Variants in SIDT2 observed in about 807,000 individuals in gnomAD.
SIDT2 encodes SID1 transmembrane family member 2.
In SIDT2, 68 loss-of-function variants were observed where a neutral mutation model predicts 114.4. The ratio of observed to expected loss-of-function variants is 0.59; its 90% CI spans 0.49 to 0.73. The LOEUF (loss-of-function observed/expected upper bound fraction) is 0.73. Ranked by LOEUF, SIDT2 falls within the 30% of genes least tolerant of loss-of-function variation. The pLI is 0.00. For missense variants in SIDT2, 918 were observed against 1,097.1 expected, an observed-to-expected ratio of 0.84 and a Z score of 2.31; for synonymous variants, 470 against 438.4, an observed-to-expected ratio of 1.07 and a Z score of -0.90.
chr11:117,183,397 G>C (rs1197069453), intron 6 of SIDT2, among the ~76,000 whole-genome samples: 1 of 151,468 alleles, frequency 6.6e-6, no homozygotes, highest in Non-Finnish European at 1.5e-5. Flanking sequence ...CCACACTTCG[G>C]GAGGCTGAGG....
At position 117,179,199 on chromosome 11, in the gene SIDT2, G is replaced by A; in HGVS notation, c.-65G>A. On this transcript the variant is annotated 5_prime_UTR_variant, in exon 1 of 26. Coordinates refer to ENST00000324225, the MANE Select transcript of SIDT2 (RefSeq NM_001040455.2). ...GGCCGCAGCCGCAACCCGTCCCGGA[G>A]GTGTCCTGTCTCCTGTCGCCGCCGC... is the stretch of plus-strand genomic sequence containing the variant. 29 of 1,514,424 alleles carry A rather than the reference G, an allele frequency of 1.9e-5. No individual in the cohort carries two copies. Among genetic ancestry groups the A allele is most frequent in the Non-Finnish European group, 2.6e-5 (29 of 1,116,086 alleles). The allele number at this position is 1,514,424 out of a possible 1,614,324, so 93.8% of individuals were successfully genotyped here. A position where few individuals can be genotyped will look rare whatever the true frequency, so the allele number is the denominator to read the frequency against.
rs967288312 is a variant in SIDT2 at position 117,186,155 on chromosome 11, C to T, written c.894C>T (p.Leu298=). ...VTSEAYVSGM[L]FCLGIFLSFY... ...CTGAGGCATACGTCAGTGGGATGCTCTTTTGCCTGGGTATATTTCTCTCCT... is the reference window on the plus strand; with the variant it reads ...CTGAGGCATACGTCAGTGGGATGCTTTTTTGCCTGGGTATATTTCTCTCCT... Residue 298 remains leucine (L), a synonymous_variant, in exon 9 of 26, where the codon CTC becomes CTT. Transcript: ENST00000324225. The T allele has an allele frequency of 3.1e-6, 5 of 1,613,982 alleles. No homozygotes were observed. Among genetic ancestry groups the T allele is most frequent in the Admixed American group, 1.7e-5 (1 of 59,986 alleles).
chr11:117,189,908 G>T, intron 15 of SIDT2, 44 bp from the exon 16 acceptor site: 1 of 1,596,902 alleles, frequency 6.3e-7, no homozygotes, highest in South Asian at 1.1e-5. Flanking sequence ...GGGCTGAGTT[G>T]GGCGTGACGA....
intron 1 of SIDT2, 50 bp downstream of exon 1, chr11:117,179,496 G>A (rs2030178107): frequency 6.4e-7 from 1 of 1,568,812 alleles, no homozygotes; most frequent in Non-Finnish European, 8.7e-7. Flanking sequence ...AGCCGACGAG[G>A]GCTAGGCGAT....
chr11:117,189,609 G>A (rs763532638), intron 15 of SIDT2: 7 of 618,918 alleles, frequency 1.1e-5, no homozygotes, highest in South Asian at 3.9e-5. Flanking sequence ...GGAGCAGCCC[G>A]CACTAAAGAT....
intron 2 of SIDT2, 54 bp from the exon 3 acceptor site, chr11:117,181,753 G>C: frequency 6.2e-7 from 1 of 1,611,138 alleles, no homozygotes; most frequent in Non-Finnish European, 8.5e-7. Context: ...TCCTCTGGAG[G>C]GGCAGGCCGG....
In SIDT2 at chr11:117,186,564, T is replaced by G; in HGVS notation, c.963-20T>G. ...CTTGTCCTGTCCCATCTGGGTGGCC[T>G]GTGGGTTCTGTCCATGCAGGCAGAA... On this transcript the variant is annotated intron_variant, in intron 9 of 25. Coordinates refer to ENST00000324225, the MANE Select transcript of SIDT2 (RefSeq NM_001040455.2). The G allele has an allele frequency of 6.5e-7, 1 of 1,543,098 alleles. No homozygotes were observed. Among genetic ancestry groups the G allele is most frequent in the Non-Finnish European group, 8.7e-7 (1 of 1,150,168 alleles).
At chr11:117,181,282 A>C in intron 1 of SIDT2, 134 bp from the exon 2 acceptor site, 2 of 1,252,316 alleles carry the variant, frequency 1.6e-6, no homozygotes, top group Non-Finnish European at 2.2e-6. Flanking sequence ...GAAGAGGCAG[A>C]GATGACTCCC....
In SIDT2 at chr11:117,190,269, C is replaced by G. The variant is rs200870091; in HGVS notation, c.1597C>G (p.Arg533Gly). ...REINHNRALL[R>G]NDLCALECGI... ...GATCAACCACAACCGGGCCCTGCTG[C>G]GCAATGACCTCTGTGCCCTGGTAAG... The change falls in exon 17 of 26, where the codon CGC becomes GGC. Residue 533 changes from arginine to glycine, a missense_variant. Around this residue, in one of 4 missense-constraint regions of SIDT2, gnomAD observed 72 missense variants for 59.9 expected, o/e 1.20. Coordinates refer to ENST00000324225, the MANE Select transcript of SIDT2 (RefSeq NM_001040455.2). The surrounding 1 kb of genome is among the most constrained non-coding windows in gnomAD (Gnocchi z 4.1). 7.6e-5 allele frequency: 118 copies of G among 1,552,932 alleles called. No homozygotes were observed. Among genetic ancestry groups the G allele is most frequent in the Non-Finnish European group, 1.0e-4 (115 of 1,150,822 alleles).
chr11:117,184,538 A>C (rs2030420855), intron 8 of SIDT2, among the ~76,000 whole-genome samples: 3 of 152,184 alleles, frequency 2.0e-5, no homozygotes, highest in South Asian at 4.1e-4. Flanking sequence ...ATTGAGTCTC[A>C]GTTTCCCTGT....
In SIDT2 at chr11:117,192,153, C is replaced by CA; in HGVS notation, c.1873-100dup. ...CTGAGATGCCTTCCTGGGCCCCTCT[C>CA]AGAGTCCCAGCCTGGCTGAGCAGCC... On this transcript the variant is annotated intron_variant, in intron 19 of 25. Transcript: ENST00000324225. The surrounding 1 kb of genome is among the most constrained non-coding windows in gnomAD (Gnocchi z 5.9). 6.6e-7 allele frequency: 1 copy of CA among 1,518,302 alleles called. No individual in the cohort carries two copies. Among genetic ancestry groups the CA allele is most frequent in the Non-Finnish European group, 9.1e-7 (1 of 1,103,170 alleles). The allele number at this position is 1,518,302 out of a possible 1,614,324, so 94.1% of individuals were successfully genotyped here. A position where few individuals can be genotyped will look rare whatever the true frequency, so the allele number is the denominator to read the frequency against.
At position 117,183,830 on chromosome 11, in the gene SIDT2, G is replaced by T. The variant is rs752136469; in HGVS notation, c.754G>T (p.Glu252Ter). ...TTATGTGGTGGTGGTGGTGAAGACC[G>T]AAGACCAAGCCTGCGGGGGCTCCCT... ...SFYVVVVVKTEDQACGGSLPF... is the reference protein window; with the variant it reads ...SFYVVVVVKT Residue 252 changes from glutamate (E) to a stop codon, truncating the protein, a stop_gained, in exon 7 of 26, where the codon GAA (glutamate) becomes TAA (stop). Transcript: ENST00000324225. LOFTEE classifies it high-confidence loss of function. 1 of 1,614,136 alleles carries T rather than the reference G, an allele frequency of 6.2e-7. No homozygotes were observed. The highest frequency in any genetic ancestry group is 8.5e-7 in the Non-Finnish European group (1 of 1,179,996).
At chr11:117,181,608 G>GC (rs1045341447) in intron 2 of SIDT2, 71 bp downstream of exon 2, 105 of 1,604,432 alleles carry the variant, frequency 6.5e-5, no homozygotes, top group Middle Eastern at 1.8e-4. Context: ...TCAACCAGGA[G>GC]CCCCCCCATT....
Position 117,191,952 on chromosome 11 carries a change from GC to G in SIDT2, c.1812del (p.Ser605AlafsTer132). The G allele has an allele frequency of 1.2e-6, 2 of 1,614,132 alleles. No individual in the cohort carries two copies. The highest frequency in any genetic ancestry group is 1.7e-6 in the Non-Finnish European group (2 of 1,180,046). On this transcript the variant is annotated frameshift_variant, in exon 19 of 26. Transcript: ENST00000324225. LOFTEE classifies it high-confidence loss of function. ...CCAGAAGCGGCACCCGGACATCAAC[GC>G]CAGCGCCTACAGTGCCTACGCCTGC... Reference protein sequence around the residue: ...LYQKRHPDINASAYSAYACLA... With the variant: ...LYQKRHPDINXSAYSAYACLA...
Position 117,190,526 on chromosome 11 carries a change from T to G in SIDT2, c.1618-97T>G. ...CACACTCGACACATACCCCACCCCT[T>G]TTCCTCTTCCACTCCTCTTAGGGTC... On this transcript the variant is annotated intron_variant, in intron 17 of 25. Transcript: ENST00000324225. This position sits in a 1 kb window ranked among gnomAD's most constrained non-coding sequence, Gnocchi z 4.1. The G allele has an allele frequency of 1.8e-6, 2 of 1,131,958 alleles. No homozygotes were observed. Among genetic ancestry groups the G allele is most frequent in the Non-Finnish European group, 2.5e-6 (2 of 795,786 alleles). The allele number at this position is 1,131,958 out of a possible 1,614,324, so 70.1% of individuals were successfully genotyped here.
chr11:117,183,492 G>T (rs931170252), intron 6 of SIDT2, among the ~76,000 whole-genome samples: 1 of 152,128 alleles, frequency 6.6e-6, no homozygotes, highest in Admixed American at 6.5e-5. Flanking sequence ...ATAAAAATTA[G>T]CTGGGCGTGG....
intron 15 of SIDT2, 132 bp downstream of exon 15, chr11:117,189,533 G>A (rs746461924): frequency 6.7e-5 from 65 of 965,938 alleles, no homozygotes; most frequent in African/African-American, 1.6e-4. Context: ...CTTCCCAGCC[G>A]AGTGACCCAG....
At position 117,191,798 on chromosome 11, in the gene SIDT2, C is replaced by T. The variant is rs907223237; in HGVS notation, c.1736-80C>T. The T allele has an allele frequency of 1.9e-6, 3 of 1,563,780 alleles. No individual in the cohort carries two copies. In the African/African-American group the frequency reaches 4.1e-5, roughly 21 times the overall value. Reference sequence around the variant, plus strand: ...TGGGGCACCAGGGCTCTCTCTTCCTCTGGGATTGTTGGGGCCAGGAGTTCT... The same window carrying T: ...TGGGGCACCAGGGCTCTCTCTTCCTTTGGGATTGTTGGGGCCAGGAGTTCT... On this transcript the variant is annotated intron_variant, in intron 18 of 25. Coordinates refer to ENST00000324225, the MANE Select transcript of SIDT2 (RefSeq NM_001040455.2).
chr11:117,194,049 T>A, intron 24 of SIDT2, 86 bp downstream of exon 24: 1 of 1,082,576 alleles, frequency 9.2e-7, no homozygotes, highest in Non-Finnish European at 1.4e-6. Flanking sequence ...GGATTACCTG[T>A]AATCCCAGCA....
Sources: gnomAD v4.1 joint callset for allele counts (sites outside exome capture counted in the v4.1 genomes callset) on GRCh38, gnomAD v4.1.1 for gene constraint, gnomAD v4.1.1 regional missense constraint, Gnocchi (gnomAD v3.1) non-coding constraint, MANE v1.5 for transcripts, NCBI Gene and HGNC (gene_info 2026-07-23, HGNC 2026-07-21) for gene names.